The following PPP1R14C variants were observed in gnomAD, a reference collection of about 807,000 sequenced individuals.
The protein encoded by PPP1R14C is protein phosphatase 1 regulatory subunit 14C.
PPP1R14C carries 16 observed loss-of-function variants against 20.4 expected under a neutral mutation model. That is an observed-to-expected ratio of 0.78 (90% confidence interval 0.53 to 1.19). The LOEUF is 1.19. PPP1R14C is among the 50% of genes most tolerant of loss of function. The pLI is 0.00. For missense variants in PPP1R14C, 211 were observed against 220.1 expected (o/e 0.96, Z 0.26); for synonymous variants, 91 against 91.0 (o/e 1.00, Z 0.00).
At chr6:150,151,685 A>C (rs1156601431) in intron 1 of PPP1R14C, among the ~76,000 whole-genome samples, 1 of 152,122 alleles carries the variant, frequency 6.6e-6, no homozygotes. Flanking sequence ...TATGAAGGAG[A>C]TGGTGTTATC....
Position 150,201,351 on chromosome 6 carries a change from A to AT in PPP1R14C, c.307-13392dup, listed in dbSNP as rs1223998723. ...TTTCCAGGGCTGGGAGGTTGACCTC[A>AT]TCACAAGTCTGGCGAAGACATTTTG... On this transcript the variant is annotated intron_variant, in intron 1 of 3. Coordinates refer to ENST00000361131, the MANE Select transcript of PPP1R14C (RefSeq NM_030949.3). The surrounding 1 kb of genome is among the most constrained non-coding windows in gnomAD (Gnocchi z 4.2). 6.6e-6 allele frequency among the ~76,000 whole-genome samples: 1 copy of AT among 152,208 alleles called. No individual in the cohort carries two copies. Among genetic ancestry groups the AT allele is most frequent in the Non-Finnish European group, 1.5e-5 (1 of 68,034 alleles).
intron 1 of PPP1R14C, among the ~76,000 whole-genome samples, chr6:150,196,807 C>T (rs532676074): frequency 4.6e-5 from 7 of 152,280 alleles, no homozygotes; most frequent in Non-Finnish European, 1.0e-4. Context: ...TTTACTGCCT[C>T]AGTGGAAACT....
Position 150,248,193 on chromosome 6 carries a change from CAT to C in PPP1R14C, c.424-550_424-549del, listed in dbSNP as rs1233602351. On this transcript the variant is annotated intron_variant, in intron 3 of 3. Transcript: ENST00000361131. The stretch of plus-strand genomic sequence containing the variant: ...AGGCCCTACCTCCAAATGCCATCAA[CAT>C]ATTAATTTGAGGATTAAGTTTCCAA... 6.6e-5 allele frequency among the ~76,000 whole-genome samples: 10 copies of C among 152,274 alleles called. No individual in the cohort carries two copies. The East Asian group carries it at 1.9e-3, about 29-fold the overall frequency.
intron 3 of PPP1R14C, among the ~76,000 whole-genome samples, chr6:150,238,034 G>A (rs950961719): frequency 5.3e-5 from 8 of 152,132 alleles, no homozygotes; most frequent in Non-Finnish European, 8.8e-5. Flanking sequence ...CAGTACATGC[G>A]ACAATTTGTC....
At chr6:150,192,862 G>A (rs1466920637) in intron 1 of PPP1R14C, among the ~76,000 whole-genome samples, 1 of 152,118 alleles carries the variant, frequency 6.6e-6, no homozygotes, top group Non-Finnish European at 1.5e-5. Flanking sequence ...TCCACACAGT[G>A]TCTCATCTTT....
chr6:150,189,734 C>T (rs1249531741), intron 1 of PPP1R14C, among the ~76,000 whole-genome samples: 1 of 152,126 alleles, frequency 6.6e-6, no homozygotes, highest in Non-Finnish European at 1.5e-5. Flanking sequence ...CCATTTGAAA[C>T]CTTCGAAACC....
At chr6:150,240,196 A>G (rs1475539199) in intron 3 of PPP1R14C, among the ~76,000 whole-genome samples, 1 of 152,272 alleles carries the variant, frequency 6.6e-6, no homozygotes, top group Non-Finnish European at 1.5e-5. Flanking sequence ...TACTAACATT[A>G]GGAATGAGAG....
chr6:150,148,640 G>A (rs192858998), intron 1 of PPP1R14C, among the ~76,000 whole-genome samples: 37 of 152,322 alleles, frequency 2.4e-4, no homozygotes, highest in Admixed American at 4.6e-4. Flanking sequence ...GGTAGAAACT[G>A]CTACTTAGAA....
In PPP1R14C at chr6:150,163,917, A is replaced by G. The variant is rs1174696712; in HGVS notation, c.306+20419A>G. 4.6e-5 allele frequency among the ~76,000 whole-genome samples: 7 copies of G among 152,212 alleles called. No homozygotes were observed. In the East Asian group the frequency reaches 1.3e-3, roughly 29 times the overall value. On this transcript the variant is annotated intron_variant, in intron 1 of 3. Transcript: ENST00000361131. ...CAGAGTGGCAAAATTGCTGGCTTAT[A>G]GAGTACGTGTATATTCAGCATTGCT...
intron 3 of PPP1R14C, among the ~76,000 whole-genome samples, chr6:150,234,718 G>A (rs993068101): frequency 2.0e-5 from 3 of 151,812 alleles, no homozygotes; most frequent in African/African-American, 7.3e-5. Flanking sequence ...GCATGGTGGT[G>A]CACACCTGTA....
chr6:150,242,736 C>T (rs1477403768), intron 3 of PPP1R14C, among the ~76,000 whole-genome samples: 1 of 152,096 alleles, frequency 6.6e-6, no homozygotes, highest in African/African-American at 2.4e-5. Context: ...AAATACAAGG[C>T]TTCTAAATAG....
chr6:150,185,298 G>A lies in PPP1R14C; in HGVS notation c.307-29446G>A, dbSNP rs946726429. Among the ~76,000 whole-genome samples, 6 of 152,172 alleles carry A rather than the reference G, an allele frequency of 3.9e-5. No homozygotes were observed. Among genetic ancestry groups the A allele is most frequent in the Non-Finnish European group, 7.3e-5 (5 of 68,048 alleles). On this transcript the variant is annotated intron_variant, in intron 1 of 3. Coordinates refer to ENST00000361131, the MANE Select transcript of PPP1R14C (RefSeq NM_030949.3). The surrounding 1 kb of genome is among the most constrained non-coding windows in gnomAD (Gnocchi z 4.1). Reference sequence around the variant, plus strand: ...GGTGAAACCCTTAGAGAAGTGCCTAGCAGTAGTCAGCCTGACACCGACCAT... The same window carrying A: ...GGTGAAACCCTTAGAGAAGTGCCTAACAGTAGTCAGCCTGACACCGACCAT...
chr6:150,197,754 T>C (rs1183235362), intron 1 of PPP1R14C, among the ~76,000 whole-genome samples: 1 of 149,270 alleles, frequency 6.7e-6, no homozygotes, highest in African/African-American at 2.5e-5. Flanking sequence ...GATGCCCGGC[T>C]TTGTGTGCCC....
chr6:150,226,264 A>G (rs142984851), intron 3 of PPP1R14C, among the ~76,000 whole-genome samples: 2 of 152,340 alleles, frequency 1.3e-5, no homozygotes, highest in East Asian at 3.9e-4. Context: ...CCTTAAGTAA[A>G]TGCCATTTCT....
intron 1 of PPP1R14C, among the ~76,000 whole-genome samples, chr6:150,170,286 T>TA (rs530470828): frequency 2.5e-4 from 38 of 152,110 alleles, no homozygotes; most frequent in African/African-American, 8.4e-4. Flanking sequence ...ATTCAACACA[T>TA]ACTCATTACA....
At chr6:150,241,716 A>G (rs1188907155) in intron 3 of PPP1R14C, among the ~76,000 whole-genome samples, 2 of 152,088 alleles carry the variant, frequency 1.3e-5, no homozygotes, top group African/African-American at 4.8e-5. Flanking sequence ...GCGAAACCCC[A>G]TCTCTACTAA....
chr6:150,193,563 G>A (rs1160144037), intron 1 of PPP1R14C, among the ~76,000 whole-genome samples: 1 of 151,640 alleles, frequency 6.6e-6, no homozygotes, highest in Non-Finnish European at 1.5e-5. Context: ...CTTGCATCCT[G>A]CAGATAATGA....
intron 3 of PPP1R14C, among the ~76,000 whole-genome samples, chr6:150,217,603 T>C (rs773426773): frequency 2.0e-5 from 3 of 152,244 alleles, no homozygotes; most frequent in Non-Finnish European, 4.4e-5. Context: ...AAGTGTAATG[T>C]ATAAACATTA....
At chr6:150,150,568 G>A (rs1777233708) in intron 1 of PPP1R14C, among the ~76,000 whole-genome samples, 1 of 152,170 alleles carries the variant, frequency 6.6e-6, no homozygotes, top group Admixed American at 6.5e-5. Flanking sequence ...TAGATGGAGG[G>A]AAGAATCAAA....
Sources: allele counts gnomAD v4.1 joint callset (sites outside exome capture counted in the v4.1 genomes callset), GRCh38; gene constraint gnomAD v4.1.1; non-coding constraint Gnocchi (gnomAD v3.1); transcripts MANE v1.5; gene names NCBI Gene and HGNC (gene_info 2026-07-23, HGNC 2026-07-21).